XRCC3: variants seen among roughly 807,000 people sequenced by gnomAD.
XRCC3 encodes the protein DNA repair protein XRCC3.
XRCC3 carries 34 observed loss-of-function variants against 29.2 expected under a neutral mutation model. That is an observed-to-expected ratio of 1.16 (90% CI 0.88 to 1.55). The LOEUF (loss-of-function observed/expected upper bound fraction) is 1.55. Ranked by LOEUF, XRCC3 falls within the 40% of genes most tolerant of loss-of-function variation. The pLI is 0.00. For synonymous variants in XRCC3, 223 were observed against 211.3 expected (o/e 1.06, Z -0.48); for missense variants, 463 against 467.6 (o/e 0.99, Z 0.09).
chr14:103,703,626 C>T lies in XRCC3; in HGVS notation c.407-299G>A, dbSNP rs77743288. 1.2e-3 allele frequency: 536 copies of T among 436,768 alleles called. 1 individual carries two copies. Among genetic ancestry groups the T allele is most frequent in the Non-Finnish European group, 2.0e-3 (472 of 233,816 alleles). 27.1% of individuals were successfully genotyped at this position (436,768 alleles called of 1,614,324 possible). ...AATGGCCACAGATGGGAGGCCTCTC[C>T]TGCTCCACCCTGCCCCTCCTTCCCC... On this transcript the variant is annotated intron_variant, in intron 6 of 9. Transcript: ENST00000555055.
At position 103,698,900 on chromosome 14, in the gene XRCC3, C is replaced by G. The variant is rs2082825021; in HGVS notation, c.939G>C (p.Arg313=). The change falls in exon 10 of 10, where the codon CGG becomes CGC. Residue 313 remains arginine (R), a synonymous_variant. Transcript: ENST00000555055. ...EEEAALGCPA[R]TLRVLSAPHL... is the part of the protein sequence containing the mutation. ...GGGGGGCAGAGAGCACCCGCAGGGT[C>G]CGGGCTGGGCAGCCGAGGGCAGCCT... is the stretch of plus-strand genomic sequence containing the variant. 1 of 1,602,566 alleles carries G rather than the reference C, an allele frequency of 6.2e-7. No homozygotes were observed. Among genetic ancestry groups the G allele is most frequent in the Non-Finnish European group, 8.5e-7 (1 of 1,175,128 alleles).
chr14:103,706,756 C>T, intron 6 of XRCC3: 1 of 566,496 alleles, frequency 1.8e-6, no homozygotes, highest in Non-Finnish European at 3.2e-6. Context: ...GGGCCTAGCT[C>T]TGCTGAGGGC....
chr14:103,702,947 T>C (rs1446235215), intron 7 of XRCC3: 1 of 647,552 alleles, frequency 1.5e-6, no homozygotes, highest in Non-Finnish European at 2.6e-6. Flanking sequence ...CCTGGCAGGA[T>C]GCTTTAGCCA....
intron 5 of XRCC3, 164 bp from the exon 6 acceptor site, chr14:103,707,379 C>T: frequency 1.2e-6 from 1 of 865,054 alleles, no homozygotes; most frequent in Non-Finnish European, 1.8e-6. Context: ...GGGAGGGGGG[C>T]CCAGCCGGGA....
At chr14:103,699,699 C>T (rs1456490493) in intron 7 of XRCC3, 123 bp from the exon 8 acceptor site, 1 of 900,882 alleles carries the variant, frequency 1.1e-6, no homozygotes, top group East Asian at 2.6e-5. Context: ...CTCACAGTGC[C>T]CATACTCTGT....
intron 7 of XRCC3, chr14:103,701,337 AG>A: frequency 1.1e-6 from 1 of 912,598 alleles, no homozygotes. Flanking sequence ...CTGTGTGCAT[AG>A]GACATGATAC....
intron 1 of XRCC3, among the ~76,000 whole-genome samples, chr14:103,714,560 C>G (rs2083740922): frequency 6.6e-6 from 1 of 152,046 alleles, no homozygotes; most frequent in African/African-American, 2.4e-5. Context: ...TTGTGCCTAG[C>G]TGTGAAGACG....
intron 7 of XRCC3, 200 bp downstream of exon 7, chr14:103,702,973 C>A: frequency 1.3e-6 from 1 of 779,820 alleles, no homozygotes; most frequent in Non-Finnish European, 2.0e-6. Context: ...CCCTCCCCTG[C>A]CAGTTCCTCT....
chr14:103,699,017 C>G lies in XRCC3; in HGVS notation c.822G>C (p.Gly274=). 6.3e-7 allele frequency: 1 copy of G among 1,584,048 alleles called. No individual in the cohort carries two copies. The highest frequency in any genetic ancestry group is 1.1e-5 in the South Asian group (1 of 87,364). ...EEQGAAHGPL[G]FWDERVSPAL... is the part of the protein sequence containing the mutation. Reference sequence around the variant, plus strand: ...CTGGGGAAACACGTTCGTCCCAGAACCTGAGAAACAGGAAGCAGGCAAGCT... The same window carrying G: ...CTGGGGAAACACGTTCGTCCCAGAAGCTGAGAAACAGGAAGCAGGCAAGCT... Residue 274 remains glycine (G), a splice_region_variant and synonymous_variant, in exon 10 of 10, where the codon GGG becomes GGC. Transcript: ENST00000555055.
In XRCC3 at chr14:103,699,721, T is replaced by C. The variant is rs9282879; in HGVS notation, c.562-145A>G. The C allele has an allele frequency of 1.3e-3, 1,004 of 765,290 alleles. 8 individuals are homozygous for C. In the East Asian group the frequency reaches 0.017, roughly 13 times the overall value. 47.4% of individuals were successfully genotyped at this position (765,290 alleles called of 1,614,324 possible). A position where few individuals can be genotyped will look rare whatever the true frequency, so the allele number is the denominator to read the frequency against. On this transcript the variant is annotated intron_variant, in intron 7 of 9. Transcript: ENST00000555055. ...TGCCCATACTCTGTAGTCCCCATAC[T>C]CTGAGCCCAATTCTGTATTTTTCTC...
intron 8 of XRCC3, 65 bp downstream of exon 8, chr14:103,699,299 G>A (rs1412191892): frequency 1.4e-5 from 22 of 1,546,930 alleles, no homozygotes; most frequent in South Asian, 5.9e-5. Flanking sequence ...CCTCCAGACC[G>A]GCTCTGCTTC....
intron 1 of XRCC3, chr14:103,713,829 A>C (rs906013866): frequency 6.6e-6 from 1 of 152,222 alleles, no homozygotes; most frequent in African/African-American, 2.4e-5. Context: ...TGGGAATGCC[A>C]CTTAAACCTT....
chr14:103,708,808 C>T, intron 4 of XRCC3, 149 bp from the exon 5 acceptor site: 1 of 969,970 alleles, frequency 1.0e-6, no homozygotes, highest in Middle Eastern at 2.3e-4. Context: ...ATCCCCTGCT[C>T]CCTGGAAACC....
At chr14:103,699,801 C>T (rs2082978154) in intron 7 of XRCC3, 1 of 590,800 alleles carries the variant, frequency 1.7e-6, no homozygotes, top group African/African-American at 1.9e-5. Flanking sequence ...CCCTTGGCCC[C>T]ATGTCCTTCC....
At chr14:103,699,090 T>C (rs1758783862) in intron 9 of XRCC3, 43 bp downstream of exon 9, 4 of 1,565,864 alleles carry the variant, frequency 2.6e-6, no homozygotes, top group African/African-American at 1.4e-5. Flanking sequence ...GCTGTGCCCC[T>C]GGCACCTGCA....
At position 103,698,989 on chromosome 14, in the gene XRCC3, G is replaced by A. The variant is rs1390312890; in HGVS notation, c.850C>T (p.Leu284Phe). ...AGCTGGTTAGCCCAGGTTATGCCAA[G>A]GGCTGGGGAAACACGTTCGTCCCAG... ...GFWDERVSPALGITWANQLLV... is the reference protein window; with the variant it reads ...GFWDERVSPAFGITWANQLLV... Residue 284 changes from leucine (L) to phenylalanine (F), a missense_variant, in exon 10 of 10, where the codon CTT (leucine) becomes TTT (phenylalanine). By Grantham distance (22) the Leu-to-Phe change is conservative (BLOSUM62 0). Coordinates refer to ENST00000555055, the MANE Select transcript of XRCC3 (RefSeq NM_005432.4). 1 of 1,596,218 alleles carries A rather than the reference G, an allele frequency of 6.3e-7. No homozygotes were observed. The highest frequency in any genetic ancestry group is 1.1e-5 in the South Asian group (1 of 88,552).
chr14:103,700,911 T>TG (rs1026925148), intron 7 of XRCC3, among the ~76,000 whole-genome samples: 7 of 151,788 alleles, frequency 4.6e-5, no homozygotes, highest in East Asian at 1.9e-4. Context: ...GGCCACAGAG[T>TG]GGGGGGGTGG....
intron 4 of XRCC3, chr14:103,709,307 A>G (rs1381956273): frequency 6.0e-6 from 1 of 166,482 alleles, no homozygotes; most frequent in African/African-American, 2.4e-5. Flanking sequence ...AGATAAGTGC[A>G]TCACTTTCTA....
intron 6 of XRCC3, chr14:103,706,280 G>A (rs2083433054): frequency 2.2e-6 from 1 of 454,562 alleles, no homozygotes; most frequent in East Asian, 6.9e-5. Context: ...GTGGCTGGCT[G>A]GGCCTGTGGG....
Sources: allele counts gnomAD v4.1 joint callset (sites outside exome capture counted in the v4.1 genomes callset), GRCh38; gene constraint gnomAD v4.1.1; transcripts MANE v1.5; gene names NCBI Gene and HGNC (gene_info 2026-07-23, HGNC 2026-07-21).